THADA: variants seen among roughly 807,000 people sequenced by gnomAD.
THADA encodes the protein THADA armadillo repeat containing, also known as tRNA (32-2'-O)-methyltransferase regulator THADA.
THADA carries 213 observed loss-of-function variants against 219.8 expected under a neutral mutation model. The ratio of observed to expected loss-of-function variants is 0.97; its 90% CI spans 0.87 to 1.09. The LOEUF (loss-of-function observed/expected upper bound fraction) is 1.09, where lower values mean the gene tolerates loss of function less well. Ranked by LOEUF, THADA falls within the 50% of genes least tolerant of loss-of-function variation. The probability of loss-of-function intolerance (pLI) is 0.00; values close to 1 mark genes in which losing one functional copy is unlikely to be tolerated. For synonymous variants in THADA, 1,018 were observed against 828.9 expected (o/e 1.23, Z -3.92); for missense variants, 2,956 against 2,311.3 (o/e 1.28, Z -5.72).
chr2:43,292,639 T>C (rs1674867151), intron 32 of THADA, among the ~76,000 whole-genome samples, 195 bp downstream of exon 32: 1 of 152,194 alleles, frequency 6.6e-6, no homozygotes, highest in East Asian at 1.9e-4. Context: ...CAAAAGCTTT[T>C]CTTGGTGCCC....
chr2:43,339,391 A>C (rs542475492), intron 30 of THADA, among the ~76,000 whole-genome samples: 1 of 152,224 alleles, frequency 6.6e-6, no homozygotes, highest in African/African-American at 2.4e-5. Flanking sequence ...AGCGATTCTC[A>C]TGCCTCAGCC....
At chr2:43,466,662 T>C (rs1684274580) in intron 26 of THADA, among the ~76,000 whole-genome samples, 1 of 152,166 alleles carries the variant, frequency 6.6e-6, no homozygotes, top group Non-Finnish European at 1.5e-5. Context: ...CTAATTGTAT[T>C]GTGCATTTAC....
chr2:43,234,302 C>T (rs974090610), intron 36 of THADA, among the ~76,000 whole-genome samples: 3 of 152,142 alleles, frequency 2.0e-5, no homozygotes, highest in African/African-American at 7.2e-5. Flanking sequence ...GCAGTAGGGC[C>T]AGGACTATTC....
chr2:43,564,781 A>C (rs1698473463), intron 15 of THADA: 2 of 152,244 alleles, frequency 1.3e-5, no homozygotes, highest in Non-Finnish European at 2.9e-5. Flanking sequence ...TCACCTATGC[A>C]ACATTCCTGC....
Position 43,357,071 on chromosome 2 carries a change from T to C in THADA, c.4228-12834A>G, listed in dbSNP as rs966486406. Reference sequence around the variant, plus strand: ...CAGATGGCAAGTGTCACTGTGCTTATCCCTAAAATTGAAAATATCCCATGC... The same window carrying C: ...CAGATGGCAAGTGTCACTGTGCTTACCCCTAAAATTGAAAATATCCCATGC... On this transcript the variant is annotated intron_variant, in intron 29 of 37. Transcript: ENST00000405975. Among the ~76,000 whole-genome samples, 4 of 152,246 alleles carry C rather than the reference T, an allele frequency of 2.6e-5. No homozygotes were observed. The South Asian group carries it at 6.2e-4, about 24-fold the overall frequency.
chr2:43,505,043 G>C (rs764048558), intron 24 of THADA, among the ~76,000 whole-genome samples: 6 of 152,150 alleles, frequency 3.9e-5, no homozygotes, highest in South Asian at 2.1e-4. Flanking sequence ...TGTAGGTAGT[G>C]ACTAAAAGGA....
intron 12 of THADA, among the ~76,000 whole-genome samples, chr2:43,572,588 A>T (rs1000318190): frequency 2.0e-5 from 3 of 152,206 alleles, no homozygotes; most frequent in Non-Finnish European, 4.4e-5. Flanking sequence ...GTCAGTTCTA[A>T]GAGTTTCCAG....
At chr2:43,515,631 A>AC in intron 22 of THADA, among the ~76,000 whole-genome samples, 1 of 149,848 alleles carries the variant, frequency 6.7e-6, no homozygotes, top group East Asian at 2.0e-4. Context: ...AGGAAAAAAA[A>AC]CTGGAGATCT....
At chr2:43,256,388 G>A (rs943331694) in intron 36 of THADA, among the ~76,000 whole-genome samples, 2 of 151,742 alleles carry the variant, frequency 1.3e-5, no homozygotes, top group African/African-American at 4.8e-5. Context: ...TTTGGATTGG[G>A]GATAGAACCT....
chr2:43,314,943 T>TA (rs1413333031), intron 31 of THADA, among the ~76,000 whole-genome samples: 1 of 152,226 alleles, frequency 6.6e-6, no homozygotes, highest in Non-Finnish European at 1.5e-5. Flanking sequence ...TTGAATTACA[T>TA]AAAACACATC....
chr2:43,459,441 G>A (rs1413640451), intron 26 of THADA, among the ~76,000 whole-genome samples: 2 of 152,094 alleles, frequency 1.3e-5, no homozygotes, highest in East Asian at 3.8e-4. Flanking sequence ...CTGAGCTTCT[G>A]CTATGTCAGG....
At chr2:43,435,231 G>T (rs915488073) in intron 26 of THADA, among the ~76,000 whole-genome samples, 8 of 151,946 alleles carry the variant, frequency 5.3e-5, no homozygotes, top group Admixed American at 6.6e-5. Context: ...CAGGTGAGAG[G>T]ATCACCTGAG....
chr2:43,261,640 T>G (rs1670958477), intron 36 of THADA, among the ~76,000 whole-genome samples: 1 of 151,164 alleles, frequency 6.6e-6, no homozygotes, highest in Non-Finnish European at 1.5e-5. Context: ...GTTTTGATTT[T>G]TTTTTTTTTT....
chr2:43,460,740 C>T (rs17030845), intron 26 of THADA, among the ~76,000 whole-genome samples: 16,615 of 152,102 alleles, frequency 0.11, 1,025 homozygotes, highest in African/African-American at 0.16. Flanking sequence ...GAAGGGTTGG[C>T]GTGGTAAGAG....
rs112504846 is a variant in THADA, at chr2:43,279,840, C to T, written c.5221G>A (p.Glu1741Lys). Residue 1741 changes from glutamate to lysine, a missense_variant, in exon 36 of 38, where the codon GAG becomes AAG. Coordinates refer to ENST00000405975, the MANE Select transcript of THADA (RefSeq NM_022065.5). ...KCVLTLLQSE[E>K]QAVRDAATET... is the part of the protein sequence containing the mutation. ...GTGGCTGCATCTCTAACAGCTTGCT[C>T]CTCACTCTGCAGAAGGGTAAGGACA... 4,754 of 1,566,650 alleles carry T rather than the reference C, an allele frequency of 3.0e-3. 17 individuals are homozygous for T. The highest frequency in any genetic ancestry group is 7.1e-3 in the South Asian group (598 of 83,958).
chr2:43,275,014 T>TG (rs1672565799), intron 36 of THADA, among the ~76,000 whole-genome samples: 1 of 146,560 alleles, frequency 6.8e-6, no homozygotes, highest in African/African-American at 2.5e-5. Flanking sequence ...TTTTTTTTTT[T>TG]GAGGGAGTCT....
chr2:43,464,835 G>T (rs1684045921), intron 26 of THADA, among the ~76,000 whole-genome samples: 1 of 151,956 alleles, frequency 6.6e-6, no homozygotes, highest in African/African-American at 2.4e-5. Flanking sequence ...TTTCAAACTA[G>T]AATATTTGTT....
At chr2:43,449,996 T>C (rs1682102290) in intron 26 of THADA, among the ~76,000 whole-genome samples, 1 of 152,128 alleles carries the variant, frequency 6.6e-6, no homozygotes, top group South Asian at 2.1e-4. Context: ...GTGAGTTCAG[T>C]ACCACTAGAC....
intron 26 of THADA, among the ~76,000 whole-genome samples, chr2:43,478,022 C>A (rs573839260): frequency 6.0e-4 from 92 of 152,198 alleles, no homozygotes; most frequent in African/African-American, 2.2e-3. Flanking sequence ...GACCTCTTAT[C>A]CCCTGACAGT....
Sources: gnomAD v4.1 joint callset for allele counts (sites outside exome capture counted in the v4.1 genomes callset) on GRCh38, gnomAD v4.1.1 for gene constraint, MANE v1.5 for transcripts, NCBI Gene and HGNC (gene_info 2026-07-23, HGNC 2026-07-21) for gene names.